Variants in TRIM4 observed in about 807,000 individuals in gnomAD.
TRIM4 encodes tripartite motif containing 4.
In TRIM4, 29 loss-of-function variants were observed where a neutral mutation model predicts 33.7. The ratio of observed to expected loss-of-function variants is 0.86; its 90% CI spans 0.64 to 1.17. TRIM4 has a LOEUF of 1.17. TRIM4 is among the 50% of genes most tolerant of loss of function. TRIM4 has a pLI of 0.00. For missense variants in TRIM4, 554 were observed against 593.7 expected, an observed-to-expected ratio of 0.93 and a Z score of 0.69; for synonymous variants, 224 against 233.0, an observed-to-expected ratio of 0.96 and a Z score of 0.35.
At chr7:99,905,062 AT>A (rs1178431272) in intron 3 of TRIM4, among the ~76,000 whole-genome samples, 3 of 148,486 alleles carry the variant, frequency 2.0e-5, no homozygotes, top group African/African-American at 2.5e-5. Context: ...AAAAAAAAAA[AT>A]AGCTTTATCA....
chr7:99,897,593 T>G (rs1027804367), intron 5 of TRIM4, among the ~76,000 whole-genome samples: 2 of 152,094 alleles, frequency 1.3e-5, no homozygotes, highest in African/African-American at 4.8e-5. Context: ...ACAAAAGATT[T>G]CTCAAGTCGG....
At chr7:99,909,867 G>A (rs1200659027) in intron 1 of TRIM4, among the ~76,000 whole-genome samples, 2 of 151,394 alleles carry the variant, frequency 1.3e-5, no homozygotes, top group African/African-American at 4.9e-5. Context: ...CAAGTAGCTG[G>A]ACTACAGGCA....
chr7:99,903,213 C>A lies in TRIM4; in HGVS notation c.841+5G>T. On this transcript the variant is annotated splice_donor_5th_base_variant and intron_variant, in intron 5 of 5. Coordinates refer to ENST00000349062, the MANE Select transcript of TRIM4 (RefSeq NM_033091.3). ...GGAGCCCCAAGTCCTAGAAATTCTG[C>A]TCACCTTGGAATCGCTTTAGCATTT... The A allele has an allele frequency of 6.2e-7, 1 of 1,604,652 alleles. No individual in the cohort carries two copies. Among genetic ancestry groups the A allele is most frequent in the Admixed American group, 1.7e-5 (1 of 58,552 alleles).
chr7:99,914,550 T>G (rs1486723647), intron 1 of TRIM4, among the ~76,000 whole-genome samples: 1 of 152,202 alleles, frequency 6.6e-6, no homozygotes, highest in African/African-American at 2.4e-5. Flanking sequence ...ATCTGAACAC[T>G]TCATTGTGGC....
rs933458727 is a variant in TRIM4, at chr7:99,919,465, G to T, written c.-64C>A. ...CGCGGGAGAGGCCAGCAAGCTGCGA[G>T]CGGCCGCGGGGAGGCCAGACGACTT... On this transcript the variant is annotated 5_prime_UTR_variant, in exon 1 of 6. Coordinates refer to ENST00000349062, the MANE Select transcript of TRIM4 (RefSeq NM_033091.3). 3 of 1,433,018 alleles carry T rather than the reference G, an allele frequency of 2.1e-6. No individual in the cohort carries two copies. Among genetic ancestry groups the T allele is most frequent in the Non-Finnish European group, 2.7e-6 (3 of 1,092,158 alleles). The allele number at this position is 1,433,018 out of a possible 1,614,324, so 88.8% of individuals were successfully genotyped here.
intron 3 of TRIM4, among the ~76,000 whole-genome samples, chr7:99,906,707 G>A (rs1819314537): frequency 1.3e-5 from 2 of 151,996 alleles, no homozygotes; most frequent in Non-Finnish European, 2.9e-5. Flanking sequence ...AGCTGGGGGC[G>A]GTGGCTCACA....
intron 1 of TRIM4, chr7:99,917,957 C>A: frequency 3.8e-6 from 2 of 525,952 alleles, no homozygotes; most frequent in African/African-American, 4.1e-5. Flanking sequence ...ATGGCTGAAG[C>A]AGAGTAAGGT....
chr7:99,909,255 G>A (rs1028958600), intron 2 of TRIM4, among the ~76,000 whole-genome samples: 44 of 152,148 alleles, frequency 2.9e-4, no homozygotes, highest in African/African-American at 1.0e-3. Flanking sequence ...AAGTAGGAAG[G>A]AGAGGGGTGC....
chr7:99,904,758 A>C (rs545686470), intron 3 of TRIM4, among the ~76,000 whole-genome samples: 66 of 152,224 alleles, frequency 4.3e-4, no homozygotes, highest in Non-Finnish European at 5.7e-4. Context: ...CTGGATGAGT[A>C]CAGTGGCTCA....
At position 99,893,117 on chromosome 7, in the gene TRIM4, A is replaced by G. The variant is rs151063246; in HGVS notation, c.842-371T>C. On this transcript the variant is annotated intron_variant, in intron 5 of 5. Coordinates refer to ENST00000349062, the MANE Select transcript of TRIM4 (RefSeq NM_033091.3). ...TACCAAAAAACAAACAAACAAAAAA[A>G]CTGGCCCGGCATGATGGTGGGCACC... 3.8e-3 allele frequency among the ~76,000 whole-genome samples: 573 copies of G among 152,162 alleles called. 5 individuals carry two copies. The highest frequency in any genetic ancestry group is 0.013 in the African/African-American group (546 of 41,530).
chr7:99,917,856 G>A, intron 1 of TRIM4: 1 of 985,436 alleles, frequency 1.0e-6, no homozygotes, highest in African/African-American at 1.7e-5. Flanking sequence ...GATGATCAGG[G>A]AAGGTCTTCA....
At chr7:99,910,806 C>A (rs963562854) in intron 1 of TRIM4, among the ~76,000 whole-genome samples, 1 of 152,154 alleles carries the variant, frequency 6.6e-6, no homozygotes, top group Non-Finnish European at 1.5e-5. Flanking sequence ...TCAACATTGA[C>A]AAATTGGGCT....
At position 99,919,265 on chromosome 7, in the gene TRIM4, G is replaced by C; in HGVS notation, c.137C>G (p.Pro46Arg). 9 of 1,544,858 alleles carry C rather than the reference G, an allele frequency of 5.8e-6. No individual in the cohort carries two copies. Among genetic ancestry groups the C allele is most frequent in the East Asian group, 2.5e-5 (1 of 40,028 alleles). ...GTGCCGACATTCGGGGCAGGGGAAC[G>C]GGCCGCCGCCCGGCGCCCAGTTGCG... ...LHRNWAPGGG[P>R]FPCPECRHPS... The change falls in exon 1 of 6, where the codon CCG (proline) becomes CGG (arginine). Residue 46 changes from proline to arginine, a missense_variant. By Grantham distance (103) the Pro-to-Arg change is moderately radical. Around this residue, in one of 3 missense-constraint regions of TRIM4, gnomAD observed 233 missense variants for 203.1 expected, o/e 1.15. Coordinates refer to ENST00000349062, the MANE Select transcript of TRIM4 (RefSeq NM_033091.3).
At chr7:99,903,424 C>A in intron 4 of TRIM4, 109 bp from the exon 5 acceptor site, 3 of 1,346,730 alleles carry the variant, frequency 2.2e-6, no homozygotes, top group Non-Finnish European at 3.2e-6. Context: ...GTTCCCATTC[C>A]TCCTCCCAGA....
At chr7:99,898,023 GTT>G (rs1819061494) in intron 5 of TRIM4, among the ~76,000 whole-genome samples, 1 of 152,240 alleles carries the variant, frequency 6.6e-6, no homozygotes, top group Non-Finnish European at 1.5e-5. Context: ...TCTGCAGAGA[GTT>G]GCCCCTCTCC....
intron 5 of TRIM4, among the ~76,000 whole-genome samples, chr7:99,899,565 C>T (rs192169150): frequency 6.6e-6 from 1 of 152,328 alleles, no homozygotes; most frequent in African/African-American, 2.4e-5. Context: ...CCACTTCACA[C>T]ATGAGAACTG....
chr7:99,901,931 T>G (rs926214951), intron 5 of TRIM4: 2 of 600,192 alleles, frequency 3.3e-6, no homozygotes, highest in Admixed American at 5.8e-5. Flanking sequence ...TCTCACTACT[T>G]TGTTCTCCGT....
chr7:99,917,933 G>C (rs1819593267), intron 1 of TRIM4: 2 of 833,060 alleles, frequency 2.4e-6, no homozygotes, highest in Non-Finnish European at 2.9e-6. Flanking sequence ...TGAAACAAAA[G>C]CAAGAAAGCC....
chr7:99,916,701 C>G, intron 1 of TRIM4: 1 of 781,012 alleles, frequency 1.3e-6, no homozygotes, highest in Non-Finnish European at 2.4e-6. Context: ...GTCTTTATTA[C>G]CTCCTGCTTA....
Sources: gnomAD v4.1 joint callset for allele counts (sites outside exome capture counted in the v4.1 genomes callset) on GRCh38, gnomAD v4.1.1 for gene constraint, gnomAD v4.1.1 regional missense constraint, MANE v1.5 for transcripts, NCBI Gene and HGNC (gene_info 2026-07-23, HGNC 2026-07-21) for gene names.